The following VWA3A variants were observed in gnomAD, a reference collection of about 807,000 sequenced individuals.
The protein encoded by VWA3A is von Willebrand factor A domain containing 3A.
Under a neutral mutation model 160.4 loss-of-function variants are expected in VWA3A, and 134 were observed. That is an observed-to-expected ratio of 0.84 (90% CI 0.73 to 0.96). The LOEUF (loss-of-function observed/expected upper bound fraction) is 0.96. VWA3A is among the 40% of genes least tolerant of loss of function. The pLI is 0.00. For missense variants in VWA3A, 1,310 were observed against 1,447.9 expected (o/e 0.90, Z 1.55); for synonymous variants, 476 against 543.4 (o/e 0.88, Z 1.72).
chr16:22,122,325 A>C (rs2045756082), intron 14 of VWA3A, among the ~76,000 whole-genome samples: 1 of 152,026 alleles, frequency 6.6e-6, no homozygotes, highest in African/African-American at 2.4e-5. Flanking sequence ...GGATGGATGG[A>C]TGCATGGATG....
In VWA3A at chr16:22,156,636, C is replaced by T. The variant is rs531391591; in HGVS notation, c.*619C>T. ...TGAGCAGGCGGCTGAGCTGTGAGAG[C>T]CTAGCTCTGGAAAGCAGCTGATGGG... On this transcript the variant is annotated 3_prime_UTR_variant, in exon 34 of 34. Coordinates refer to ENST00000389398, the MANE Select transcript of VWA3A (RefSeq NM_173615.5). 6.6e-6 allele frequency: 1 copy of T among 152,272 alleles called. No individual in the cohort carries two copies. Among genetic ancestry groups the T allele is most frequent in the African/African-American group, 2.4e-5 (1 of 41,540 alleles). 9.4% of individuals were successfully genotyped at this position (152,272 alleles called of 1,614,324 possible).
In VWA3A at chr16:22,123,114, C is replaced by A. The variant is rs763370451; in HGVS notation, c.1386C>A (p.Asp462Glu). The change falls in exon 15 of 34, where the codon GAC becomes GAA. Residue 462 changes from aspartate (D) to glutamate (E), a missense_variant. Asp to Glu is a conservative substitution (Grantham distance 45). Coordinates refer to ENST00000389398, the MANE Select transcript of VWA3A (RefSeq NM_173615.5). ...CAATGATACAATTTGAATGGCACGA[C>A]GGGACAGTGAAGAACATTCATGTGG... ...EKAMIQFEWH[D>E]GTVKNIHVDP... The A allele has an allele frequency of 3.1e-6, 5 of 1,606,134 alleles. No individual in the cohort carries two copies. In the Admixed American group the frequency reaches 5.1e-5, roughly 16 times the overall value.
chr16:22,129,249 C>A (rs1011401750), intron 17 of VWA3A, among the ~76,000 whole-genome samples: 1 of 151,678 alleles, frequency 6.6e-6, no homozygotes, highest in African/African-American at 2.4e-5. Flanking sequence ...ATTAGCCAGG[C>A]GTGGTGGTGG....
chr16:22,123,848 G>A lies in VWA3A; in HGVS notation c.1532+141G>A, dbSNP rs1454007973. ...TAGGAATCTCTCAGCAGAACCCCCA[G>A]AGGAGGAAAAAGTCACCAACACCAT... On this transcript the variant is annotated intron_variant, in intron 16 of 33. Transcript: ENST00000389398. 5 of 768,796 alleles carry A rather than the reference G, an allele frequency of 6.5e-6. No individual in the cohort carries two copies. In the African/African-American group the frequency reaches 8.8e-5, roughly 13 times the overall value. The allele number at this position is 768,796 out of a possible 1,614,324, so 47.6% of individuals were successfully genotyped here. A position where few individuals can be genotyped will look rare whatever the true frequency, so the allele number is the denominator to read the frequency against.
intron 8 of VWA3A, among the ~76,000 whole-genome samples, chr16:22,113,786 AT>A (rs2045591861): frequency 6.6e-6 from 1 of 150,810 alleles, no homozygotes; most frequent in South Asian, 2.1e-4. Context: ...TTTTGTGGAG[AT>A]GGGGTCTGGC....
At chr16:22,115,689 T>G (rs1016968966) in intron 9 of VWA3A, among the ~76,000 whole-genome samples, 3 of 150,282 alleles carry the variant, frequency 2.0e-5, no homozygotes, top group African/African-American at 7.4e-5. Flanking sequence ...AGACAAAAAT[T>G]AGCTGGTCAT....
chr16:22,111,413 G>A (rs1185918287), intron 8 of VWA3A, among the ~76,000 whole-genome samples: 1 of 151,990 alleles, frequency 6.6e-6, no homozygotes. Flanking sequence ...TTGACATCCT[G>A]GGCTTAAGCA....
chr16:22,155,805 A>G (rs766093088), intron 32 of VWA3A, 46 bp from the exon 33 acceptor site: 11 of 1,613,076 alleles, frequency 6.8e-6, no homozygotes, highest in Non-Finnish European at 8.5e-7. Context: ...CAGCCCAGAA[A>G]TCTGGGCACC....
At chr16:22,153,575 CT>C (rs2046385980) in intron 31 of VWA3A, among the ~76,000 whole-genome samples, 1 of 152,110 alleles carries the variant, frequency 6.6e-6, no homozygotes. Flanking sequence ...CAATGATCCA[CT>C]TCTGACTTAA....
chr16:22,105,822 C>A (rs1461006005), intron 6 of VWA3A, among the ~76,000 whole-genome samples: 1 of 152,182 alleles, frequency 6.6e-6, no homozygotes, highest in Non-Finnish European at 1.5e-5. Flanking sequence ...ATAGAACTGG[C>A]TCTAGATTTC....
At chr16:22,151,844 C>T (rs1381859320) in intron 30 of VWA3A, among the ~76,000 whole-genome samples, 1 of 152,082 alleles carries the variant, frequency 6.6e-6, no homozygotes, top group African/African-American at 2.4e-5. Flanking sequence ...AACCATGAGC[C>T]CCATAAGTGT....
rs115961190 is a variant in VWA3A, at chr16:22,148,593, T to A, written c.2984+287T>A. On this transcript the variant is annotated intron_variant, in intron 28 of 33. Coordinates refer to ENST00000389398, the MANE Select transcript of VWA3A (RefSeq NM_173615.5). ...CAAGACCAGTCTCAGCAACAAAGTG[T>A]CATCCCATCTCTTCAAAACATTTAA... 9.5e-3 allele frequency among the ~76,000 whole-genome samples: 1,444 copies of A among 152,096 alleles called. 20 individuals are homozygous for A. Among genetic ancestry groups the A allele is most frequent in the African/African-American group, 0.031 (1,282 of 41,502 alleles).
chr16:22,095,419 G>A (rs1216809481), intron 1 of VWA3A, among the ~76,000 whole-genome samples: 1 of 152,214 alleles, frequency 6.6e-6, no homozygotes, highest in Non-Finnish European at 1.5e-5. Context: ...ATCTAGAGGG[G>A]TAGGTGGGAG....
chr16:22,142,845 G>A lies in VWA3A; in HGVS notation c.2592+80G>A. On this transcript the variant is annotated intron_variant, in intron 25 of 33. Transcript: ENST00000389398. ...CACCAACCATTACTTCTAGGATGGG[G>A]GGGCATAATCAGAAATGAGAACAAG... 6 of 1,103,028 alleles carry A rather than the reference G, an allele frequency of 5.4e-6. No homozygotes were observed. In the South Asian group the frequency reaches 8.1e-5, roughly 15 times the overall value. 68.3% of individuals were successfully genotyped at this position (1,103,028 alleles called of 1,614,324 possible).
chr16:22,151,971 G>T (rs1477162708), intron 30 of VWA3A, among the ~76,000 whole-genome samples: 1 of 152,160 alleles, frequency 6.6e-6, no homozygotes, highest in Non-Finnish European at 1.5e-5. Context: ...CACTTTGGGA[G>T]GCCAAGGCAG....
Position 22,116,804 on chromosome 16 carries a change from C to T in VWA3A, c.861C>T (p.Ser287=), listed in dbSNP as rs1209011262. The change falls in exon 10 of 34, where the codon TCC becomes TCT. Residue 287 remains serine (S), a synonymous_variant. Coordinates refer to ENST00000389398, the MANE Select transcript of VWA3A (RefSeq NM_173615.5). ...TCCTGTCTGACTACATCCAGCAGTC[C>T]ACCATGGGAAGAGACCTCATCATCC... The part of the protein sequence containing the change: ...SEILSDYIQQ[S]TMGRDLIIHF... The T allele has an allele frequency of 2.5e-6, 4 of 1,613,546 alleles. No individual in the cohort carries two copies. The highest frequency in any genetic ancestry group is 1.1e-5 in the South Asian group (1 of 91,078).
At chr16:22,103,718 G>A (rs562614475) in intron 6 of VWA3A, among the ~76,000 whole-genome samples, 189 bp downstream of exon 6, 2 of 152,290 alleles carry the variant, frequency 1.3e-5, no homozygotes, top group South Asian at 4.1e-4. Flanking sequence ...TCACCTCTAT[G>A]CCTGTGGGCT....
chr16:22,116,342 GAA>G (rs61136920), intron 9 of VWA3A: 11,563 of 370,116 alleles, frequency 0.031, 1,257 homozygotes, highest in African/African-American at 0.26. Flanking sequence ...GAGAGAGAAA[GAA>G]AAAAGAAAAG....
chr16:22,136,316 G>A (rs1266267930), intron 21 of VWA3A, among the ~76,000 whole-genome samples: 3 of 152,164 alleles, frequency 2.0e-5, no homozygotes, highest in Non-Finnish European at 4.4e-5. Context: ...TGAGGCCATT[G>A]ACCAAGATGT....
Sources: gnomAD v4.1 joint callset for allele counts (sites outside exome capture counted in the v4.1 genomes callset) on GRCh38, gnomAD v4.1.1 for gene constraint, MANE v1.5 for transcripts, NCBI Gene and HGNC (gene_info 2026-07-23, HGNC 2026-07-21) for gene names.